Variants in UBE2E2 observed in about 807,000 individuals in gnomAD.
The protein encoded by UBE2E2 is ubiquitin-conjugating enzyme E2 E2.
A neutral mutation model predicts 24.7 loss-of-function variants in UBE2E2; 6 were observed. That is an observed-to-expected ratio of 0.24 (90% CI 0.13 to 0.48). The LOEUF (loss-of-function observed/expected upper bound fraction) is 0.48. Ranked by LOEUF, UBE2E2 falls within the 20% of genes least tolerant of loss-of-function variation. The pLI, the probability that UBE2E2 is intolerant of heterozygous loss-of-function variation, is 0.99. For synonymous variants in UBE2E2, 104 were observed against 83.6 expected (o/e 1.24, Z -1.33); for missense variants, 169 against 245.0 (o/e 0.69, Z 2.07).
chr3:23,533,354 TA>T, intron 5 of UBE2E2, among the ~76,000 whole-genome samples: 1 of 152,180 alleles, frequency 6.6e-6, no homozygotes, highest in East Asian at 1.9e-4. Context: ...AAGATAGCTA[TA>T]GGGTTTTCAT....
At chr3:23,586,097 C>T (rs551043507) in intron 5 of UBE2E2, among the ~76,000 whole-genome samples, 5 of 152,280 alleles carry the variant, frequency 3.3e-5, no homozygotes, top group Non-Finnish European at 5.9e-5. Flanking sequence ...GATTATTCCA[C>T]TGAGCTGAAT....
rs1021743084 is a variant in UBE2E2, at chr3:23,584,082, A to G, written c.509-5652A>G. ...TCATAGAGGGCTCTTATTATTTTGAAGTATGTTCCTTCAGTGCCTAGTTTG... is the reference window on the plus strand; with the variant it reads ...TCATAGAGGGCTCTTATTATTTTGAGGTATGTTCCTTCAGTGCCTAGTTTG... On this transcript the variant is annotated intron_variant, in intron 5 of 5. Transcript: ENST00000396703. Among the ~76,000 whole-genome samples the G allele has an allele frequency of 1.1e-4, 17 of 152,208 alleles. 1 individual carries two copies. Among genetic ancestry groups the G allele is most frequent in the Admixed American group, 9.8e-4 (15 of 15,286 alleles).
chr3:23,274,380 T>G (rs1326756608), intron 3 of UBE2E2, among the ~76,000 whole-genome samples: 1 of 151,926 alleles, frequency 6.6e-6, no homozygotes, highest in Non-Finnish European at 1.5e-5. Flanking sequence ...GAGTGACGAG[T>G]CCCTCTCTGT....
chr3:23,568,486 T>C (rs1334290648), intron 5 of UBE2E2, among the ~76,000 whole-genome samples: 1 of 151,736 alleles, frequency 6.6e-6, no homozygotes, highest in Non-Finnish European at 1.5e-5. Flanking sequence ...AGGATAATCT[T>C]GTCTGTCATA....
chr3:23,574,759 AAGC>A (rs1462101927), intron 5 of UBE2E2, among the ~76,000 whole-genome samples: 4 of 152,154 alleles, frequency 2.6e-5, no homozygotes, highest in Admixed American at 2.6e-4. Flanking sequence ...AATATTTAAG[AAGC>A]AGACATAAGA....
intron 3 of UBE2E2, among the ~76,000 whole-genome samples, chr3:23,387,449 A>G (rs975600663): frequency 2.0e-5 from 3 of 152,150 alleles, no homozygotes; most frequent in Admixed American, 6.5e-5. Context: ...CTTAAGTGCT[A>G]TGATTGTGAT....
At chr3:23,356,606 A>T (rs1211651996) in intron 3 of UBE2E2, among the ~76,000 whole-genome samples, 1 of 151,526 alleles carries the variant, frequency 6.6e-6, no homozygotes, top group Non-Finnish European at 1.5e-5. Flanking sequence ...TCTTTCTTTT[A>T]TGTATCCCAA....
intron 3 of UBE2E2, among the ~76,000 whole-genome samples, chr3:23,307,259 T>G (rs867666652): frequency 6.6e-6 from 1 of 152,160 alleles, no homozygotes; most frequent in Non-Finnish European, 1.5e-5. Flanking sequence ...AATTAATAAA[T>G]TCTTCCTCCC....
intron 3 of UBE2E2, among the ~76,000 whole-genome samples, chr3:23,316,301 G>A (rs1694576512): frequency 6.6e-6 from 1 of 151,932 alleles, no homozygotes; most frequent in Non-Finnish European, 1.5e-5. Flanking sequence ...CTGTGCTACT[G>A]CACCTGAGCT....
chr3:23,482,832 A>G (rs916698332), intron 3 of UBE2E2, among the ~76,000 whole-genome samples: 3 of 152,214 alleles, frequency 2.0e-5, no homozygotes, highest in Non-Finnish European at 2.9e-5. Flanking sequence ...AAGGTTAAAG[A>G]AGATGATGAA....
chr3:23,586,767 C>G (rs1266879658), intron 5 of UBE2E2, among the ~76,000 whole-genome samples: 1 of 152,128 alleles, frequency 6.6e-6, no homozygotes, highest in Non-Finnish European at 1.5e-5. Flanking sequence ...CATCTAAAAA[C>G]AGGAAATTCG....
chr3:23,559,619 C>T (rs1005290384), intron 5 of UBE2E2, among the ~76,000 whole-genome samples: 4 of 152,134 alleles, frequency 2.6e-5, no homozygotes, highest in African/African-American at 9.7e-5. Flanking sequence ...TCCCCCACTC[C>T]TTTCCTTTCT....
intron 3 of UBE2E2, among the ~76,000 whole-genome samples, chr3:23,375,531 A>G (rs1696500445): frequency 6.6e-6 from 1 of 152,182 alleles, no homozygotes; most frequent in South Asian, 2.1e-4. Context: ...AGACTACAAT[A>G]AATGAGTGAG....
chr3:23,227,340 A>G (rs1381490320), intron 3 of UBE2E2, among the ~76,000 whole-genome samples: 1 of 152,136 alleles, frequency 6.6e-6, no homozygotes, highest in African/African-American at 2.4e-5. Flanking sequence ...CTTTCATACT[A>G]CATATATTTT....
intron 5 of UBE2E2, among the ~76,000 whole-genome samples, chr3:23,552,456 C>T (rs150469994): frequency 2.0e-5 from 3 of 152,200 alleles, no homozygotes; most frequent in East Asian, 3.9e-4. Context: ...TCATGATAAG[C>T]GCCTGTTTAA....
chr3:23,242,857 G>A (rs1023855503), intron 3 of UBE2E2, among the ~76,000 whole-genome samples: 4 of 151,968 alleles, frequency 2.6e-5, no homozygotes, highest in Non-Finnish European at 2.9e-5. Flanking sequence ...AGGCTGAGGC[G>A]GGAGGATCAC....
chr3:23,524,864 AG>A (rs1365163618), intron 4 of UBE2E2, among the ~76,000 whole-genome samples: 4 of 141,072 alleles, frequency 2.8e-5, no homozygotes, highest in Non-Finnish European at 4.7e-5. Flanking sequence ...ACAGACACAC[AG>A]ACACACACAC....
chr3:23,226,885 TAA>T (rs1696841200), intron 3 of UBE2E2, among the ~76,000 whole-genome samples: 1 of 148,864 alleles, frequency 6.7e-6, no homozygotes, highest in African/African-American at 2.5e-5. Flanking sequence ...GAGAAAGATA[TAA>T]AGAGTTTGGG....
chr3:23,346,698 A>T (rs1695567284), intron 3 of UBE2E2, among the ~76,000 whole-genome samples: 1 of 152,226 alleles, frequency 6.6e-6, no homozygotes, highest in Non-Finnish European at 1.5e-5. Context: ...TCATGCCATT[A>T]GAAAAATGTA....
Sources: gnomAD v4.1 joint callset for allele counts (sites outside exome capture counted in the v4.1 genomes callset) on GRCh38, gnomAD v4.1.1 for gene constraint, MANE v1.5 for transcripts, NCBI Gene and HGNC (gene_info 2026-07-23, HGNC 2026-07-21) for gene names.